NLGN4Y: variants seen among roughly 807,000 people sequenced by gnomAD.
NLGN4Y encodes the protein neuroligin-4, Y-linked.
NLGN4Y carries 4 observed loss-of-function variants against 8.4 expected under a neutral mutation model. The ratio of observed to expected loss-of-function variants is 0.48; its 90% CI spans 0.23 to 1.09. The LOEUF (loss-of-function observed/expected upper bound fraction) is 1.09, where lower values mean the gene tolerates loss of function less well. Among genes scored for constraint, NLGN4Y ranks in the 50% least tolerant of loss-of-function variants. The pLI is 0.19. For synonymous variants in NLGN4Y, 35 were observed against 75.6 expected, an observed-to-expected ratio of 0.46 and a Z score of 2.78; for missense variants, 90 against 192.3, an observed-to-expected ratio of 0.47 and a Z score of 3.15.
intron 1 of NLGN4Y, among the ~76,000 whole-genome samples, chrY:14,611,379 C>CTT (rs2080467352): frequency 1.2e-4 from 2 of 16,205 alleles, no homozygotes; most frequent in African/African-American, 1.1e-3. Flanking sequence ...TAGCTGATAT[C>CTT]TTTTTTTTTT....
At chrY:14,530,912 G>T in intron 1 of NLGN4Y, among the ~76,000 whole-genome samples, 1 of 34,293 alleles carries the variant, frequency 2.9e-5, no homozygotes, top group Non-Finnish European at 7.3e-5. Context: ...CTCTCTTCCT[G>T]CAGACTTCCT....
intron 2 of NLGN4Y, among the ~76,000 whole-genome samples, chrY:14,634,882 G>A: frequency 2.9e-5 from 1 of 33,939 alleles, no homozygotes; most frequent in African/African-American, 1.1e-4. Context: ...GGTCCTCTGT[G>A]CAAGTTGTCT....
intron 4 of NLGN4Y, 34 bp from the exon 5 acceptor site, chrY:14,824,154 T>C: frequency 2.5e-6 from 1 of 394,704 alleles, no homozygotes; most frequent in Non-Finnish European, 3.6e-6. Flanking sequence ...CACAATTTTT[T>C]TGACCAACAA....
At chrY:14,551,550 A>T (rs2080192932) in intron 1 of NLGN4Y, among the ~76,000 whole-genome samples, 1 of 33,474 alleles carries the variant, frequency 3.0e-5, no homozygotes, top group African/African-American at 1.2e-4. Context: ...CTCCTCAGAA[A>T]ATACAAAAGA....
At chrY:14,543,853 C>T (rs2080159367) in intron 1 of NLGN4Y, among the ~76,000 whole-genome samples, 2 of 33,433 alleles carry the variant, frequency 6.0e-5, no homozygotes, top group Non-Finnish European at 1.5e-4. Context: ...CGCACACATG[C>T]GCACACACAC....
chrY:14,745,285 A>G, intron 4 of NLGN4Y, among the ~76,000 whole-genome samples: 1 of 33,503 alleles, frequency 3.0e-5, no homozygotes, highest in African/African-American at 1.2e-4. Flanking sequence ...AGTATGTTCA[A>G]CCAACAAAGG....
intron 4 of NLGN4Y, among the ~76,000 whole-genome samples, chrY:14,796,810 C>T: frequency 3.1e-5 from 1 of 32,486 alleles, no homozygotes; most frequent in African/African-American, 1.2e-4. Flanking sequence ...TTTTTCCTTC[C>T]TATAATATTA....
rs748170552 is a variant in NLGN4Y, at chrY:14,549,069, TTCTG to T, written c.-112+24362_-112+24365del. On this transcript the variant is annotated intron_variant, in intron 1 of 6. Coordinates refer to ENST00000684976, the MANE Select transcript of NLGN4Y (RefSeq NM_001365588.1). ...CCCTTTGAACAACATTGCCTATATG[TTCTG>T]CCCAAAACTCAATTCAGTGTTCCCA... Among the ~76,000 whole-genome samples, 10 of 32,658 alleles carry T rather than the reference TTCTG, an allele frequency of 3.1e-4. No individual in the cohort carries two copies. In the South Asian group the frequency reaches 7.1e-3, roughly 23 times the overall value. 87.6% of individuals were successfully genotyped at this position (32,658 alleles called of 37,273 possible).
intron 5 of NLGN4Y, 46 bp from the exon 6 acceptor site, chrY:14,829,684 T>C: frequency 2.6e-6 from 1 of 387,528 alleles, no homozygotes; most frequent in Non-Finnish European, 3.7e-6. Flanking sequence ...AAGCTGTTTC[T>C]GTCCTGCAGG....
intron 4 of NLGN4Y, among the ~76,000 whole-genome samples, chrY:14,726,912 C>T: frequency 1.2e-4 from 4 of 32,469 alleles, no homozygotes; most frequent in African/African-American, 2.4e-4. Flanking sequence ...TGACAAAACT[C>T]CATCTCTGCT....
chrY:14,674,333 CTTTTTTT>C (rs751963564), intron 2 of NLGN4Y, among the ~76,000 whole-genome samples: 14 of 20,666 alleles, frequency 6.8e-4, no homozygotes, highest in African/African-American at 1.1e-3. Context: ...TTAATTTTTC[CTTTTTTT>C]TTTTTTTTTT....
chrY:14,724,814 A>AT lies in NLGN4Y; in HGVS notation c.685+1552dup. On this transcript the variant is annotated intron_variant, in intron 4 of 6. Coordinates refer to ENST00000684976, the MANE Select transcript of NLGN4Y (RefSeq NM_001365588.1). Reference sequence around the variant, plus strand: ...ACGACCATGCCCAGCTAACTTTTATATTTTTTTAGTAGTCATGGGGTTTCA... The same window carrying AT: ...ACGACCATGCCCAGCTAACTTTTATATTTTTTTTAGTAGTCATGGGGTTTCA... Among the ~76,000 whole-genome samples, 4 of 31,436 alleles carry AT rather than the reference A, an allele frequency of 1.3e-4. No homozygotes were observed. In the South Asian group the frequency reaches 3.0e-3, roughly 23 times the overall value. The allele number at this position is 31,436 out of a possible 37,273, so 84.3% of individuals were successfully genotyped here. A position where few individuals can be genotyped will look rare whatever the true frequency, so the allele number is the denominator to read the frequency against.
At chrY:14,799,090 G>A in intron 4 of NLGN4Y, among the ~76,000 whole-genome samples, 1 of 33,808 alleles carries the variant, frequency 3.0e-5, no homozygotes, top group Admixed American at 2.6e-4. Context: ...TGGCCCTGTA[G>A]GTTTTTAGCC....
chrY:14,690,512 A>C lies in NLGN4Y; in HGVS notation c.473-28947A>C, dbSNP rs749193896. ...AATTACTTAGTTTGATGAAAAAGTG[A>C]ACAAGACATGACAGTGAAATCATAT... On this transcript the variant is annotated intron_variant, in intron 2 of 6. Coordinates refer to ENST00000684976, the MANE Select transcript of NLGN4Y (RefSeq NM_001365588.1). 4.6e-4 allele frequency among the ~76,000 whole-genome samples: 15 copies of C among 32,921 alleles called. No homozygotes were observed. The East Asian group carries it at 9.9e-3, about 22-fold the overall frequency. 88.3% of individuals were successfully genotyped at this position (32,921 alleles called of 37,273 possible).
chrY:14,608,918 G>A, intron 1 of NLGN4Y, among the ~76,000 whole-genome samples: 1 of 32,583 alleles, frequency 3.1e-5, no homozygotes, highest in South Asian at 6.8e-4. Flanking sequence ...TCTTTGAAGA[G>A]GTCCTTCACT....
chrY:14,626,580 A>G (rs2080528686), intron 2 of NLGN4Y, among the ~76,000 whole-genome samples: 1 of 34,190 alleles, frequency 2.9e-5, no homozygotes, highest in Non-Finnish European at 7.3e-5. Context: ...AGCAAGATTT[A>G]TTGCAAACAG....
In NLGN4Y at chrY:14,566,554, C is replaced by G. The variant is rs1603499856; in HGVS notation, c.-112+41846C>G. 9.0e-5 allele frequency among the ~76,000 whole-genome samples: 3 copies of G among 33,400 alleles called. No individual in the cohort carries two copies. In the East Asian group the frequency reaches 2.4e-3, roughly 26 times the overall value. The allele number at this position is 33,400 out of a possible 37,273, so 89.6% of individuals were successfully genotyped here. On this transcript the variant is annotated intron_variant, in intron 1 of 6. Transcript: ENST00000684976. ...TTAGAGACCGACAAAGAGACTTGCA[C>G]TCCCACACAATAATAGTGGGAGACT... is the stretch of plus-strand genomic sequence containing the variant.
intron 3 of NLGN4Y, among the ~76,000 whole-genome samples, chrY:14,720,171 T>C (rs2080929989): frequency 3.0e-5 from 1 of 33,886 alleles, no homozygotes; most frequent in African/African-American, 1.1e-4. Context: ...AGCTCAGAAC[T>C]GAAAAAGGAC....
intron 1 of NLGN4Y, among the ~76,000 whole-genome samples, chrY:14,567,409 T>C (rs2080256172): frequency 3.2e-5 from 1 of 31,214 alleles, no homozygotes; most frequent in Non-Finnish European, 7.7e-5. Context: ...TTTGTATTTT[T>C]AGTAGAGAGA....
Sources: gnomAD v4.1 joint callset for allele counts (sites outside exome capture counted in the v4.1 genomes callset) on GRCh38, gnomAD v4.1.1 for gene constraint, MANE v1.5 for transcripts, NCBI Gene and HGNC (gene_info 2026-07-23, HGNC 2026-07-21) for gene names.